NUP155: variants seen among roughly 807,000 people sequenced by gnomAD.
NUP155 encodes nuclear pore complex protein Nup155.
Under a neutral mutation model 180.4 loss-of-function variants are expected in NUP155, and 71 were observed. The observed-to-expected ratio is 0.39, with a 90% CI of 0.33 to 0.48. The LOEUF (loss-of-function observed/expected upper bound fraction) is 0.48. Ranked by LOEUF, NUP155 falls within the 20% of genes least tolerant of loss-of-function variation. NUP155 has a pLI of 0.91. For synonymous variants in NUP155, 582 were observed against 559.5 expected, an observed-to-expected ratio of 1.04 and a Z score of -0.57; for missense variants, 1,553 against 1,648.9, an observed-to-expected ratio of 0.94 and a Z score of 1.01.
intron 15 of NUP155, 41 bp downstream of exon 15, chr5:37,329,997 G>A: frequency 7.1e-7 from 1 of 1,411,800 alleles, no homozygotes. Context: ...AAGTGGCCCA[G>A]TAAAAAAACA....
intron 32 of NUP155, among the ~76,000 whole-genome samples, chr5:37,294,752 GA>G (rs1222967688): frequency 6.6e-6 from 1 of 150,586 alleles, no homozygotes; most frequent in Non-Finnish European, 1.5e-5. Flanking sequence ...CAGCTTAAAA[GA>G]AAAAAAAAGT....
intron 32 of NUP155, among the ~76,000 whole-genome samples, chr5:37,294,824 T>C (rs1742434716): frequency 6.6e-6 from 1 of 152,162 alleles, no homozygotes; most frequent in Non-Finnish European, 1.5e-5. Flanking sequence ...GATTAGTGGC[T>C]GCCTAGGGCT....
intron 6 of NUP155, among the ~76,000 whole-genome samples, chr5:37,350,784 T>C (rs1003581634): frequency 3.0e-4 from 40 of 133,196 alleles, no homozygotes; most frequent in Admixed American, 5.9e-4. Flanking sequence ...GCCTGGGTGA[T>C]AGACCTGGGT....
chr5:37,346,231 T>C (rs1031789004), intron 9 of NUP155, among the ~76,000 whole-genome samples: 2 of 151,158 alleles, frequency 1.3e-5, no homozygotes, highest in African/African-American at 4.9e-5. Context: ...CAGACTACAA[T>C]TGCAACACTG....
chr5:37,290,855 C>G lies in NUP155; in HGVS notation c.*1045G>C, dbSNP rs547056297. Reference sequence around the variant, plus strand: ...GATTCAGTAGGTCTGGGTTGGGGCTCGAGAATTTGCATTTCTAACAAATTC... The same window carrying G: ...GATTCAGTAGGTCTGGGTTGGGGCTGGAGAATTTGCATTTCTAACAAATTC... On this transcript the variant is annotated 3_prime_UTR_variant, in exon 35 of 35. Transcript: ENST00000231498. 1 of 152,046 alleles carries G rather than the reference C, an allele frequency of 6.6e-6. No individual in the cohort carries two copies. The highest frequency in any genetic ancestry group is 1.5e-5 in the Non-Finnish European group (1 of 68,010). 9.4% of individuals were successfully genotyped at this position (152,046 alleles called of 1,614,324 possible). A position where few individuals can be genotyped will look rare whatever the true frequency, so the allele number is the denominator to read the frequency against.
chr5:37,291,407 A>AT lies in NUP155; in HGVS notation c.*492dup, dbSNP rs1047840281. 52 of 151,266 alleles carry AT rather than the reference A, an allele frequency of 3.4e-4. No homozygotes were observed. In the South Asian group the frequency reaches 5.4e-3, roughly 16 times the overall value. 9.4% of individuals were successfully genotyped at this position (151,266 alleles called of 1,614,324 possible). The stretch of plus-strand genomic sequence containing the variant: ...CAGGCGCCCGCCACCACGCCTGGCT[A>AT]TTTTTTTTTGTATTTTTAGTAGAGA... On this transcript the variant is annotated 3_prime_UTR_variant, in exon 35 of 35. Coordinates refer to ENST00000231498, the MANE Select transcript of NUP155 (RefSeq NM_153485.3).
Position 37,352,786 on chromosome 5 carries a change from G to T in NUP155, c.507C>A (p.Thr169=). The T allele has an allele frequency of 6.2e-7, 1 of 1,613,552 alleles. No homozygotes were observed. The highest frequency in any genetic ancestry group is 8.5e-7 in the Non-Finnish European group (1 of 1,179,702). The change falls in exon 5 of 35, where the codon ACC becomes ACA. Residue 169 remains threonine, a synonymous_variant. Coordinates refer to ENST00000231498, the MANE Select transcript of NUP155 (RefSeq NM_153485.3). ...GTCCAAGAATTACTATGTCTACAGG[G>T]GTCGCCAAAACCAGGAGGTGTCGCA... ...PHVRHLLVLA[T]PVDIVILGLS... is the part of the protein sequence containing the mutation.
At chr5:37,346,156 T>C (rs1746068753) in intron 9 of NUP155, among the ~76,000 whole-genome samples, 2 of 152,070 alleles carry the variant, frequency 1.3e-5, no homozygotes, top group Admixed American at 1.3e-4. Context: ...CACACATCTA[T>C]AGTCATAGCT....
intron 32 of NUP155, among the ~76,000 whole-genome samples, chr5:37,296,243 A>G (rs1339210972): frequency 1.3e-5 from 2 of 152,202 alleles, no homozygotes; most frequent in African/African-American, 4.8e-5. Flanking sequence ...AAGGGGGGAA[A>G]GGTGGGGAAA....
intron 1 of NUP155, among the ~76,000 whole-genome samples, chr5:37,365,738 A>AAAAATATAT (rs1561818758): frequency 3.5e-4 from 13 of 37,144 alleles, no homozygotes; most frequent in East Asian, 9.0e-4. Flanking sequence ...AAAAAAAAAA[A>AAAAATATAT]ATATATATAT....
At chr5:37,346,789 T>A (rs1031558129) in intron 9 of NUP155, among the ~76,000 whole-genome samples, 1 of 152,188 alleles carries the variant, frequency 6.6e-6, no homozygotes, top group Non-Finnish European at 1.5e-5. Flanking sequence ...TTCTTGTACT[T>A]ATTTAGGAGT....
At chr5:37,326,508 G>C (rs1358558702) in intron 18 of NUP155, among the ~76,000 whole-genome samples, 1 of 152,108 alleles carries the variant, frequency 6.6e-6, no homozygotes, top group African/African-American at 2.4e-5. Flanking sequence ...AAAGTGCATG[G>C]TAAGCCAGTT....
At chr5:37,327,843 TA>T in intron 17 of NUP155, 67 bp from the exon 18 acceptor site, 1 of 1,545,928 alleles carries the variant, frequency 6.5e-7, no homozygotes, top group Non-Finnish European at 8.9e-7. Context: ...CTCTTAATCT[TA>T]ATCTTAGAAC....
intron 11 of NUP155, among the ~76,000 whole-genome samples, chr5:37,340,366 G>A (rs1449578553): frequency 6.6e-6 from 1 of 151,948 alleles, no homozygotes; most frequent in Non-Finnish European, 1.5e-5. Flanking sequence ...GACAGCATGA[G>A]CCTGGGAAGC....
At chr5:37,330,220 T>G in intron 14 of NUP155, 88 bp from the exon 15 acceptor site, 1 of 894,164 alleles carries the variant, frequency 1.1e-6, no homozygotes, top group South Asian at 1.4e-5. Context: ...AAAGTCTGTA[T>G]CTAGCACAGA....
chr5:37,318,229 C>T lies in NUP155; in HGVS notation c.2208-144G>A, dbSNP rs1744027394. On this transcript the variant is annotated intron_variant, in intron 20 of 34. Transcript: ENST00000231498. Reference sequence around the variant, plus strand: ...AACCAACACCAGAAGGGCTGATGGCCAGAAAAAATTTATGACACAGACTAA... The same window carrying T: ...AACCAACACCAGAAGGGCTGATGGCTAGAAAAAATTTATGACACAGACTAA... 6.1e-6 allele frequency: 4 copies of T among 651,198 alleles called. No homozygotes were observed. In the East Asian group the frequency reaches 1.1e-4, roughly 18 times the overall value. 40.3% of individuals were successfully genotyped at this position (651,198 alleles called of 1,614,324 possible).
chr5:37,347,165 T>C (rs1354447853), intron 9 of NUP155, among the ~76,000 whole-genome samples: 1 of 151,864 alleles, frequency 6.6e-6, no homozygotes, highest in Non-Finnish European at 1.5e-5. Flanking sequence ...GAGGTGGTGA[T>C]TGCAGCAAGC....
In NUP155 at chr5:37,365,711, G is replaced by GGAAAAAAAAAAAA. The variant is rs1491216296; in HGVS notation, c.158-1328_158-1327insTTTTTTTTTTTTC. Among the ~76,000 whole-genome samples the GGAAAAAAAAAAAA allele has an allele frequency of 2.9e-4, 10 of 34,016 alleles. 3 individuals carry two copies. The highest frequency in any genetic ancestry group is 1.4e-3 in the Admixed American group (3 of 2,078). 22.3% of individuals were successfully genotyped at this position (34,016 alleles called of 152,430 possible). The stretch of plus-strand genomic sequence containing the variant: ...TGACAGAGCAAGACTCTGTCTCGGG[G>GGAAAAAAAAAAAA]AGAAAAAAAAAAAAAAAAAAAAAAA... On this transcript the variant is annotated intron_variant, in intron 1 of 34. Coordinates refer to ENST00000231498, the MANE Select transcript of NUP155 (RefSeq NM_153485.3).
rs182597028 is a variant in NUP155 at position 37,321,261 on chromosome 5, G to A, written c.2207+2731C>T. On this transcript the variant is annotated intron_variant, in intron 20 of 34. Transcript: ENST00000231498. ...CTTGGAAGGGTGAGGCAGGAGAATC[G>A]CTTGAGCCAGGGAGTTGGAGGTTGC... is the stretch of plus-strand genomic sequence containing the variant. 2.6e-5 allele frequency among the ~76,000 whole-genome samples: 4 copies of A among 152,264 alleles called. No individual in the cohort carries two copies. The East Asian group carries it at 5.8e-4, about 22-fold the overall frequency.
Sources: gnomAD v4.1 joint callset for allele counts (sites outside exome capture counted in the v4.1 genomes callset) on GRCh38, gnomAD v4.1.1 for gene constraint, MANE v1.5 for transcripts, NCBI Gene and HGNC (gene_info 2026-07-23, HGNC 2026-07-21) for gene names.